EXOC4: variants seen among roughly 807,000 people sequenced by gnomAD.
The protein encoded by EXOC4 is SEC8-like 1.
Under a neutral mutation model 107.2 loss-of-function variants are expected in EXOC4, and 71 were observed. That is an observed-to-expected ratio of 0.66 (90% CI 0.55 to 0.81). The LOEUF is 0.81. Ranked by LOEUF, EXOC4 falls within the 30% of genes least tolerant of loss-of-function variation. EXOC4 has a pLI of 0.00. For missense variants in EXOC4, 1,108 were observed against 1,189.6 expected (o/e 0.93, Z 1.01); for synonymous variants, 456 against 441.2 (o/e 1.03, Z -0.42).
At chr7:133,439,744 C>T (rs1003242479) in intron 7 of EXOC4, among the ~76,000 whole-genome samples, 3 of 152,098 alleles carry the variant, frequency 2.0e-5, no homozygotes, top group African/African-American at 7.2e-5. Context: ...AACATAAAGC[C>T]TGTAACACAA....
chr7:133,391,114 A>G (rs1362862698), intron 7 of EXOC4, among the ~76,000 whole-genome samples: 2 of 152,346 alleles, frequency 1.3e-5, no homozygotes, highest in South Asian at 2.1e-4. Context: ...GTTGTGTCAC[A>G]TAAGTGAGTG....
chr7:133,995,187 AT>A (rs1406348679), intron 14 of EXOC4, among the ~76,000 whole-genome samples: 2 of 152,158 alleles, frequency 1.3e-5, no homozygotes, highest in African/African-American at 2.4e-5. Context: ...TATTTTTTTA[AT>A]TTGTAATTTG....
intron 5 of EXOC4, among the ~76,000 whole-genome samples, chr7:133,342,004 T>A (rs759339074): frequency 1.3e-5 from 2 of 152,218 alleles, no homozygotes; most frequent in Non-Finnish European, 2.9e-5. Context: ...CTGTATCTTT[T>A]ACGTGGAGCG....
At chr7:133,456,369 G>A (rs976350163) in intron 7 of EXOC4, among the ~76,000 whole-genome samples, 2 of 152,172 alleles carry the variant, frequency 1.3e-5, no homozygotes, top group African/African-American at 2.4e-5. Flanking sequence ...TATCTCCACT[G>A]TGTGAAAGTG....
chr7:133,850,852 T>G (rs1798227380), intron 11 of EXOC4, among the ~76,000 whole-genome samples: 1 of 152,194 alleles, frequency 6.6e-6, no homozygotes, highest in Non-Finnish European at 1.5e-5. Context: ...CTTCTAGTTT[T>G]GCCATCTGGA....
chr7:133,497,142 C>T (rs1799493251), intron 9 of EXOC4, among the ~76,000 whole-genome samples: 1 of 152,192 alleles, frequency 6.6e-6, no homozygotes, highest in South Asian at 2.1e-4. Context: ...GGAGCAGGTC[C>T]CTATGCCTTA....
chr7:133,970,471 G>A (rs375200407), intron 14 of EXOC4, among the ~76,000 whole-genome samples: 10 of 151,806 alleles, frequency 6.6e-5, no homozygotes, highest in African/African-American at 2.4e-4. Flanking sequence ...AGGGCCTGGT[G>A]GTGTAGGCAC....
chr7:134,023,373 T>C (rs1032634697), intron 17 of EXOC4, among the ~76,000 whole-genome samples: 7 of 152,172 alleles, frequency 4.6e-5, no homozygotes, highest in Non-Finnish European at 8.8e-5. Flanking sequence ...ATAATTGTCA[T>C]AGCATTTCAT....
chr7:133,677,498 T>C (rs55842571), intron 10 of EXOC4, among the ~76,000 whole-genome samples: 2,736 of 152,292 alleles, frequency 0.018, 76 homozygotes, highest in African/African-American at 0.062. Context: ...ATCATAAAAA[T>C]AAAATTCCAT....
chr7:133,451,153 A>G (rs2150808312), intron 7 of EXOC4, among the ~76,000 whole-genome samples: 2 of 152,088 alleles, frequency 1.3e-5, no homozygotes, highest in Non-Finnish European at 2.9e-5. Context: ...CCTTGTATTT[A>G]GTGGAGATTG....
intron 17 of EXOC4, among the ~76,000 whole-genome samples, chr7:134,012,526 T>C (rs536118101): frequency 7.9e-5 from 12 of 152,262 alleles, no homozygotes; most frequent in South Asian, 6.2e-4. Flanking sequence ...GGAGAGGCTA[T>C]TGAAGTGTGT....
chr7:134,031,517 T>C (rs952192721), intron 17 of EXOC4, among the ~76,000 whole-genome samples: 1 of 152,156 alleles, frequency 6.6e-6, no homozygotes. Context: ...ACTGTTGTTA[T>C]TAAGAGTTGA....
intron 11 of EXOC4, among the ~76,000 whole-genome samples, chr7:133,888,557 G>A (rs10231102): frequency 0.46 from 70,699 of 152,080 alleles, 17,842 homozygotes; most frequent in African/African-American, 0.66. Flanking sequence ...TTGACTATGC[G>A]TCTTTTTCAG....
At chr7:133,337,002 G>A (rs1178304852) in intron 5 of EXOC4, among the ~76,000 whole-genome samples, 2 of 151,858 alleles carry the variant, frequency 1.3e-5, no homozygotes, top group Non-Finnish European at 2.9e-5. Context: ...CAAAGTGTTG[G>A]GATTACAGGT....
At chr7:133,283,807 A>G (rs1162335822) in intron 2 of EXOC4, among the ~76,000 whole-genome samples, 8 of 152,138 alleles carry the variant, frequency 5.3e-5, no homozygotes. Flanking sequence ...TTCTGGCACT[A>G]CTGATTAGTT....
At chr7:133,335,389 C>T (rs1795489594) in intron 5 of EXOC4, among the ~76,000 whole-genome samples, 1 of 152,080 alleles carries the variant, frequency 6.6e-6, no homozygotes, top group South Asian at 2.1e-4. Flanking sequence ...CTGGCGGCCC[C>T]CATTCTACTT....
intron 7 of EXOC4, among the ~76,000 whole-genome samples, chr7:133,451,586 T>C (rs1798349172): frequency 6.6e-6 from 1 of 152,198 alleles, no homozygotes; most frequent in South Asian, 2.1e-4. Flanking sequence ...TAAAATTTTT[T>C]ACTTTCTCTT....
chr7:133,660,115 T>C (rs890570071), intron 10 of EXOC4, among the ~76,000 whole-genome samples: 7 of 152,178 alleles, frequency 4.6e-5, no homozygotes, highest in African/African-American at 1.7e-4. Flanking sequence ...ACATTTAGAA[T>C]TCACAACCTG....
chr7:133,525,940 A>G (rs538700874), intron 9 of EXOC4, among the ~76,000 whole-genome samples: 30 of 152,168 alleles, frequency 2.0e-4, no homozygotes, highest in Middle Eastern at 3.4e-3. Flanking sequence ...ATTAAGAAGT[A>G]TTTTTCTAAT....
Sources: allele counts gnomAD v4.1 joint callset (sites outside exome capture counted in the v4.1 genomes callset), GRCh38; gene constraint gnomAD v4.1.1; transcripts MANE v1.5; gene names NCBI Gene and HGNC (gene_info 2026-07-23, HGNC 2026-07-21).